CIBAR1: variants seen among roughly 807,000 people sequenced by gnomAD.
The protein encoded by CIBAR1 is CBY1 interacting BAR domain containing 1.
In CIBAR1, 25 loss-of-function variants were observed where a neutral mutation model predicts 44.0. The ratio of observed to expected loss-of-function variants is 0.57; its 90% CI spans 0.41 to 0.79. The LOEUF (loss-of-function observed/expected upper bound fraction) is 0.79, where lower values mean the gene tolerates loss of function less well. Among genes scored for constraint, CIBAR1 ranks in the 30% least tolerant of loss-of-function variants. CIBAR1 has a pLI of 0.00. For missense variants in CIBAR1, 278 were observed against 344.8 expected, an observed-to-expected ratio of 0.81 and a Z score of 1.53; for synonymous variants, 115 against 119.0, an observed-to-expected ratio of 0.97 and a Z score of 0.22.
chr8:93,710,571 C>T (rs28521612), intron 6 of CIBAR1, among the ~76,000 whole-genome samples: 1 of 152,026 alleles, frequency 6.6e-6, no homozygotes, highest in Non-Finnish European at 1.5e-5. Flanking sequence ...CAGTGGCTCA[C>T]ACCTGTAATC....
At position 93,729,452 on chromosome 8, in the gene CIBAR1, G is replaced by A. The variant is rs1811700797; in HGVS notation, c.*1155G>A. ...ATTTAAATTTGGTTGTACTTCGGGG[G>A]AAAACAACAGAGTTATTATTTTGCT... On this transcript the variant is annotated 3_prime_UTR_variant, in exon 9 of 9. Transcript: ENST00000518322. 1 of 152,094 alleles carries A rather than the reference G, an allele frequency of 6.6e-6. No individual in the cohort carries two copies. Among genetic ancestry groups the A allele is most frequent in the South Asian group, 2.1e-4 (1 of 4,828 alleles). 9.4% of individuals were successfully genotyped at this position (152,094 alleles called of 1,614,324 possible). A position where few individuals can be genotyped will look rare whatever the true frequency, so the allele number is the denominator to read the frequency against.
At chr8:93,710,363 G>A (rs1358699666) in intron 6 of CIBAR1, among the ~76,000 whole-genome samples, 3 of 149,410 alleles carry the variant, frequency 2.0e-5, no homozygotes, top group African/African-American at 7.4e-5. Context: ...TTTTTTTTTA[G>A]TAGAAACAGT....
intron 7 of CIBAR1, among the ~76,000 whole-genome samples, chr8:93,723,517 C>T (rs576054118): frequency 1.3e-5 from 2 of 152,038 alleles, no homozygotes; most frequent in African/African-American, 4.8e-5. Context: ...TTTTCCCCCC[C>T]TCATAGATGT....
intron 7 of CIBAR1, 98 bp downstream of exon 7, chr8:93,718,886 C>CA (rs1554606298): frequency 7.3e-6 from 5 of 689,292 alleles, no homozygotes; most frequent in Non-Finnish European, 1.1e-5. Flanking sequence ...TTTTTTGAGA[C>CA]AGAGTCTCAC....
chr8:93,704,858 G>A, intron 3 of CIBAR1, 51 bp from the exon 4 acceptor site: 1 of 1,135,140 alleles, frequency 8.8e-7, no homozygotes, highest in African/African-American at 1.6e-5. Flanking sequence ...TCTTAAAACT[G>A]AATTTTCTTA....
At position 93,703,603 on chromosome 8, in the gene CIBAR1, T is replaced by C. The variant is rs1284834401; in HGVS notation, c.262-17T>C. The C allele has an allele frequency of 2.1e-6, 3 of 1,450,330 alleles. No individual in the cohort carries two copies. In the African/African-American group the frequency reaches 4.3e-5, roughly 21 times the overall value. 89.8% of individuals were successfully genotyped at this position (1,450,330 alleles called of 1,614,324 possible). A position where few individuals can be genotyped will look rare whatever the true frequency, so the allele number is the denominator to read the frequency against. ...ATGTTAAACGTTCTAATTTAAAATT[T>C]TAATAATTTTCAATAGGTTGAAAGA... On this transcript the variant is annotated splice_polypyrimidine_tract_variant and intron_variant, in intron 2 of 8. Transcript: ENST00000518322.
intron 7 of CIBAR1, chr8:93,721,027 T>C (rs1811245047): frequency 6.6e-6 from 1 of 152,228 alleles, no homozygotes; most frequent in Non-Finnish European, 1.5e-5. Context: ...TTATTTCTGA[T>C]TTCTGTGGAT....
Position 93,701,274 on chromosome 8 carries a change from A to G in CIBAR1, c.77A>G (p.His26Arg), listed in dbSNP as rs1479808260. The G allele has an allele frequency of 1.5e-5, 24 of 1,613,692 alleles. No individual in the cohort carries two copies. Among genetic ancestry groups the G allele is most frequent in the Non-Finnish European group, 1.9e-5 (23 of 1,179,824 alleles). The part of the protein sequence containing the change: ...LQTAVSNVEK[H>R]FGELCQIFAA... ...ACAGCTGTCTCAAATGTGGAGAAGC[A>G]TTTTGGAGAACTGTGCCAAATCTTC... The change falls in exon 2 of 9, where the codon CAT becomes CGT. Residue 26 changes from histidine (H) to arginine (R), a missense_variant. His to Arg is a conservative substitution (Grantham distance 29, BLOSUM62 0). Coordinates refer to ENST00000518322, the MANE Select transcript of CIBAR1 (RefSeq NM_145269.5).
intron 7 of CIBAR1, chr8:93,719,657 T>G (rs1201960673): frequency 6.6e-6 from 1 of 152,242 alleles, no homozygotes; most frequent in Non-Finnish European, 1.5e-5. Context: ...TTATGTAAGC[T>G]TGCTTTATGC....
Position 93,726,443 on chromosome 8 carries a change from T to G in CIBAR1, c.707T>G (p.Ile236Ser), listed in dbSNP as rs148804292. Residue 236 changes from isoleucine (I) to serine (S), a missense_variant, in exon 8 of 9, where the codon ATT becomes AGT. Around this residue, in one of 3 missense-constraint regions of CIBAR1, gnomAD observed 93 missense variants for 108.9 expected, o/e 0.85. Transcript: ENST00000518322. ...YAPDYSSRLD[I>S]VRANSKSPLQ... Reference sequence around the variant, plus strand: ...CCAGATTATTCATCTCGTTTAGATATTGTAAGAGCAAATTCAAAGTCACCT... The same window carrying G: ...CCAGATTATTCATCTCGTTTAGATAGTGTAAGAGCAAATTCAAAGTCACCT... 3.0e-4 allele frequency: 478 copies of G among 1,613,716 alleles called. No individual in the cohort carries two copies. The African/African-American group carries it at 5.7e-3, about 19-fold the overall frequency.
chr8:93,710,403 G>A (rs1463648359), intron 6 of CIBAR1, among the ~76,000 whole-genome samples: 1 of 151,772 alleles, frequency 6.6e-6, no homozygotes, highest in Non-Finnish European at 1.5e-5. Flanking sequence ...TTTCCAACCA[G>A]AAGCCAGATA....
chr8:93,719,099 AGT>A (rs1210004605), intron 7 of CIBAR1, among the ~76,000 whole-genome samples: 6 of 152,180 alleles, frequency 3.9e-5, no homozygotes, highest in African/African-American at 1.4e-4. Flanking sequence ...CCTGATCTCA[AGT>A]GATACGCCCA....
At chr8:93,728,126 T>C in intron 8 of CIBAR1, 79 bp from the exon 9 acceptor site, 1 of 784,642 alleles carries the variant, frequency 1.3e-6, no homozygotes, top group East Asian at 3.3e-5. Flanking sequence ...TGCCCTTTAA[T>C]AGCATAAAAA....
chr8:93,701,009 C>A (rs1297778301), intron 1 of CIBAR1: 3 of 1,421,232 alleles, frequency 2.1e-6, no homozygotes, highest in Non-Finnish European at 2.7e-6. Flanking sequence ...TAAGGCCAGG[C>A]CCACCCGGCC....
At position 93,729,249 on chromosome 8, in the gene CIBAR1, T is replaced by G. The variant is rs188437503; in HGVS notation, c.*952T>G. ...AAAAATAAAGACTTTCTAGAAAGCT[T>G]CTGACTTTGTCAATCATGGCTCTGT... On this transcript the variant is annotated 3_prime_UTR_variant, in exon 9 of 9. Coordinates refer to ENST00000518322, the MANE Select transcript of CIBAR1 (RefSeq NM_145269.5). The G allele has an allele frequency of 3.3e-5, 5 of 152,238 alleles. No homozygotes were observed. Among genetic ancestry groups the G allele is most frequent in the Admixed American group, 3.3e-4 (5 of 15,292 alleles). 9.4% of individuals were successfully genotyped at this position (152,238 alleles called of 1,614,324 possible).
chr8:93,730,275 T>C lies in CIBAR1; in HGVS notation c.*1978T>C, dbSNP rs998283524. ...CAAGGTCACTACTTAACAGGTGATA[T>C]ATGGATCAAGAATCACTGCTCTTAA... On this transcript the variant is annotated 3_prime_UTR_variant, in exon 9 of 9. Coordinates refer to ENST00000518322, the MANE Select transcript of CIBAR1 (RefSeq NM_145269.5). The C allele has an allele frequency of 1.3e-5, 2 of 152,210 alleles. No homozygotes were observed. The highest frequency in any genetic ancestry group is 4.1e-4 in the South Asian group (2 of 4,830). The allele number at this position is 152,210 out of a possible 1,614,324, so 9.4% of individuals were successfully genotyped here.
chr8:93,723,036 G>A (rs550190855), intron 7 of CIBAR1, among the ~76,000 whole-genome samples: 78 of 151,860 alleles, frequency 5.1e-4, no homozygotes, highest in Middle Eastern at 3.4e-3. Flanking sequence ...TCGCTCTGTC[G>A]CCCAGGCTGG....
At chr8:93,725,593 T>A (rs2130383749) in intron 7 of CIBAR1, among the ~76,000 whole-genome samples, 1 of 152,208 alleles carries the variant, frequency 6.6e-6, no homozygotes, top group Non-Finnish European at 1.5e-5. Flanking sequence ...TTTAAGTAGT[T>A]ATACCTTGAG....
At chr8:93,712,243 G>T (rs1466171982) in intron 6 of CIBAR1, among the ~76,000 whole-genome samples, 6 of 152,138 alleles carry the variant, frequency 3.9e-5, no homozygotes, top group Non-Finnish European at 5.9e-5. Flanking sequence ...CCAACCCTAA[G>T]CAGCCACCAC....
Sources: gnomAD v4.1 joint callset for allele counts (sites outside exome capture counted in the v4.1 genomes callset) on GRCh38, gnomAD v4.1.1 for gene constraint, gnomAD v4.1.1 regional missense constraint, MANE v1.5 for transcripts, NCBI Gene and HGNC (gene_info 2026-07-23, HGNC 2026-07-21) for gene names.